Variants in SMIM23 observed in about 807,000 individuals in gnomAD.
SMIM23 encodes the protein small integral membrane protein 23.
Under a neutral mutation model 12.8 loss-of-function variants are expected in SMIM23, and 10 were observed. That is an observed-to-expected ratio of 0.78 (90% CI 0.48 to 1.32). The LOEUF is 1.32. SMIM23 is among the 40% of genes most tolerant of loss of function. The pLI is 0.00. For missense variants in SMIM23, 184 were observed against 198.2 expected (o/e 0.93, Z 0.43); for synonymous variants, 78 against 80.1 (o/e 0.97, Z 0.14).
At chr5:171,780,439 G>A (rs1407556709), upstream of SMIM23, among the ~76,000 whole-genome samples, 4 of 152,126 alleles carry the variant, frequency 2.6e-5, no homozygotes, top group Non-Finnish European at 5.9e-5. Flanking sequence ...TCTCCTCCCT[G>A]CCCTGAGACC....
At chr5:171,779,959 C>T (rs566135648), upstream of SMIM23, among the ~76,000 whole-genome samples, 29 of 152,018 alleles carry the variant, frequency 1.9e-4, no homozygotes, top group Non-Finnish European at 4.1e-4. Flanking sequence ...CCCAGTAACC[C>T]CGTAAGACAC....
upstream of SMIM23, among the ~76,000 whole-genome samples, chr5:171,780,077 T>C (rs1188402613): frequency 6.6e-6 from 1 of 152,228 alleles, no homozygotes; most frequent in Non-Finnish European, 1.5e-5. Flanking sequence ...CCAGGTGTGT[T>C]TGGGAGACAG....
intron 1 of SMIM23, among the ~76,000 whole-genome samples, chr5:171,788,193 C>T (rs1289973096): frequency 6.6e-6 from 1 of 151,028 alleles, no homozygotes; most frequent in East Asian, 1.9e-4. Flanking sequence ...CACACACACA[C>T]ACACATATTT....
chr5:171,780,577 C>T (rs539513953), upstream of SMIM23, among the ~76,000 whole-genome samples: 1 of 152,216 alleles, frequency 6.6e-6, no homozygotes, highest in African/African-American at 2.4e-5. Flanking sequence ...TAATTCATTA[C>T]TTTTTGTGAC....
chr5:171,775,272 A>T, the SMIM23 span, among the ~76,000 whole-genome samples: 66,571 of 151,794 alleles, frequency 0.44, 14,718 homozygotes, highest in African/African-American at 0.5. Flanking sequence ...AGAAAGAAAC[A>T]TCTGGAATAG....
At chr5:171,780,778 C>T (rs985090173), upstream of SMIM23, among the ~76,000 whole-genome samples, 4 of 152,196 alleles carry the variant, frequency 2.6e-5, no homozygotes, top group Admixed American at 2.0e-4. Flanking sequence ...GACTTGAGTT[C>T]GGTACCTTTC....
intron 1 of SMIM23, among the ~76,000 whole-genome samples, chr5:171,788,281 A>G (rs1324194979): frequency 6.6e-6 from 1 of 152,122 alleles, no homozygotes; most frequent in Non-Finnish European, 1.5e-5. Context: ...TCAATAGTAT[A>G]AAGAAATAAA....
Position 171,790,523 on chromosome 5 carries a change from T to C in SMIM23, c.199T>C (p.Tyr67His). 6.5e-7 allele frequency: 1 copy of C among 1,536,810 alleles called. No individual in the cohort carries two copies. The highest frequency in any genetic ancestry group is 1.2e-5 in the South Asian group (1 of 84,064). The stretch of plus-strand genomic sequence containing the variant: ...GTCAGAAAGGATCAGAGAATGTAAC[T>C]ACTACCAGAATCTTGCAGTTCCCCA... Reference protein sequence around the residue: ...EVSERIRECNYYQNLAVPQGL... With the variant: ...EVSERIRECNHYQNLAVPQGL... Residue 67 changes from tyrosine (Y) to histidine (H), a missense_variant, in exon 3 of 4, where the codon TAC (tyrosine) becomes CAC (histidine). Coordinates refer to ENST00000523047, the MANE Select transcript of SMIM23 (RefSeq NM_001289970.2).
At chr5:171,781,544 C>CCG (rs1755726090), upstream of SMIM23, among the ~76,000 whole-genome samples, 1 of 152,030 alleles carries the variant, frequency 6.6e-6, no homozygotes, top group African/African-American at 2.4e-5. Flanking sequence ...AGTGCCCCCC[C>CCG]CCGTCTCTAG....
chr5:171,790,201 T>C, intron 1 of SMIM23, 29 bp from the exon 2 acceptor site: 2 of 1,535,406 alleles, frequency 1.3e-6, no homozygotes, highest in Admixed American at 2.0e-5. Context: ...CCTCATGTTC[T>C]TCCTCCTCTT....
At chr5:171,787,209 A>T (rs1213539310) in intron 1 of SMIM23, among the ~76,000 whole-genome samples, 1 of 151,860 alleles carries the variant, frequency 6.6e-6, no homozygotes, top group East Asian at 1.9e-4. Context: ...TAGTAGAGAC[A>T]GGGTTTCGCC....
At chr5:171,790,579 G>A in intron 3 of SMIM23, 30 bp downstream of exon 3, 1 of 1,531,782 alleles carries the variant, frequency 6.5e-7, no homozygotes. Context: ...ACTGAGGTGA[G>A]GCAATCTGGG....
At chr5:171,780,539 TTG>T (rs544217731), upstream of SMIM23, among the ~76,000 whole-genome samples, 3 of 152,168 alleles carry the variant, frequency 2.0e-5, no homozygotes, top group African/African-American at 7.2e-5. Flanking sequence ...ATTACTTTTT[TTG>T]TGTGTGACTG....
intron 1 of SMIM23, among the ~76,000 whole-genome samples, chr5:171,787,486 G>T (rs1755840156): frequency 6.6e-6 from 1 of 152,200 alleles, no homozygotes; most frequent in Non-Finnish European, 1.5e-5. Context: ...GAAACCAGCA[G>T]CAAGAATGCC....
chr5:171,781,653 G>A (rs1274941099), upstream of SMIM23, among the ~76,000 whole-genome samples: 4 of 151,990 alleles, frequency 2.6e-5, no homozygotes, highest in Non-Finnish European at 5.9e-5. Context: ...CCCAGACAAC[G>A]TAGCTGCTTT....
the SMIM23 span, chr5:171,773,780 C>T: frequency 2.2e-6 from 1 of 456,122 alleles, no homozygotes; most frequent in Non-Finnish European, 4.4e-6. Context: ...TCATTGTGGC[C>T]AGATCGCTCA....
At position 171,785,944 on chromosome 5, in the gene SMIM23, A is replaced by G; in HGVS notation, c.73A>G (p.Arg25Gly). ...GGTGGCAGCCCAGCTGCTTGAACGGAGAAGGGGCAGCCACTGTGATGACGA... is the reference window on the plus strand; with the variant it reads ...GGTGGCAGCCCAGCTGCTTGAACGGGGAAGGGGCAGCCACTGTGATGACGA... ...EQVAAQLLER[R>G]RGSHCDDEKQ... The change falls in exon 1 of 4, where the codon AGA (arginine) becomes GGA (glycine). Residue 25 changes from arginine (R) to glycine (G), a missense_variant. Coordinates refer to ENST00000523047, the MANE Select transcript of SMIM23 (RefSeq NM_001289970.2). 1 of 1,536,168 alleles carries G rather than the reference A, an allele frequency of 6.5e-7. No homozygotes were observed. Among genetic ancestry groups the G allele is most frequent in the Non-Finnish European group, 8.7e-7 (1 of 1,146,894 alleles).
chr5:171,779,407 G>T (rs770791994), upstream of SMIM23, among the ~76,000 whole-genome samples: 2 of 152,170 alleles, frequency 1.3e-5, no homozygotes, highest in African/African-American at 2.4e-5. Context: ...TGCAATGTTT[G>T]TTATAAATAC....
At chr5:171,776,006 G>C in the SMIM23 span, among the ~76,000 whole-genome samples, 1 of 152,150 alleles carries the variant, frequency 6.6e-6, no homozygotes, top group Non-Finnish European at 1.5e-5. Context: ...CAAGTAGCTG[G>C]GATTATAGGC....
Sources: gnomAD v4.1 joint callset for allele counts (sites outside exome capture counted in the v4.1 genomes callset) on GRCh38, gnomAD v4.1.1 for gene constraint, MANE v1.5 for transcripts, NCBI Gene and HGNC (gene_info 2026-07-23, HGNC 2026-07-21) for gene names.